Variants in PLD1 observed in about 807,000 individuals in gnomAD.
PLD1 encodes the protein choline phosphatase 1.
A neutral mutation model predicts 137.1 loss-of-function variants in PLD1; 112 were observed. The observed-to-expected ratio is 0.82, with a 90% CI of 0.70 to 0.96. The LOEUF is 0.96. Among genes scored for constraint, PLD1 ranks in the 40% least tolerant of loss-of-function variants. PLD1 has a pLI of 0.00. For missense variants in PLD1, 1,321 were observed against 1,342.0 expected (o/e 0.98, Z 0.24); for synonymous variants, 431 against 454.7 (o/e 0.95, Z 0.66).
intron 6 of PLD1, among the ~76,000 whole-genome samples, chr3:171,729,421 C>A (rs555513965): frequency 2.6e-4 from 40 of 152,198 alleles, no homozygotes; most frequent in Non-Finnish European, 5.3e-4. Context: ...CTAGGGGTAA[C>A]AAAAAATCCT....
intron 11 of PLD1, among the ~76,000 whole-genome samples, chr3:171,704,767 T>C (rs1578318982): frequency 1.3e-5 from 2 of 152,254 alleles, no homozygotes; most frequent in Admixed American, 6.5e-5. Flanking sequence ...ATGGAGATCA[T>C]AGAGCAGCAG....
intron 12 of PLD1, among the ~76,000 whole-genome samples, chr3:171,697,389 C>T (rs1298739703): frequency 2.0e-5 from 3 of 151,850 alleles, no homozygotes; most frequent in Non-Finnish European, 4.4e-5. Flanking sequence ...GGACTATAGG[C>T]GCCCGCCACC....
At chr3:171,637,985 CCTGA>C (rs1424479039) in intron 23 of PLD1, among the ~76,000 whole-genome samples, 4 of 151,882 alleles carry the variant, frequency 2.6e-5, no homozygotes, top group African/African-American at 9.7e-5. Context: ...TAGAGACCAT[CCTGA>C]CTAACACAGT....
Position 171,602,615 on chromosome 3 carries a change from TACA to T in PLD1, c.*460_*462del, listed in dbSNP as rs1731907191. On this transcript the variant is annotated 3_prime_UTR_variant, in exon 27 of 27. Coordinates refer to ENST00000351298, the MANE Select transcript of PLD1 (RefSeq NM_002662.5). ...ACCATGAAGAATCTTGAAGCAGCATTACAACATCTAATAATAAACAATCTCTCA... is the reference window on the plus strand; with the variant it reads ...ACCATGAAGAATCTTGAAGCAGCATTACATCTAATAATAAACAATCTCTCA... 5.8e-6 allele frequency: 1 copy of T among 172,066 alleles called. No homozygotes were observed. The highest frequency in any genetic ancestry group is 5.5e-5 in the Admixed American group (1 of 18,340). The allele number at this position is 172,066 out of a possible 1,614,324, so 10.7% of individuals were successfully genotyped here.
In PLD1 at chr3:171,803,989, C is replaced by CTCCT. The variant is rs531982664; in HGVS notation, c.-32+6406_-32+6409dup. Among the ~76,000 whole-genome samples the CTCCT allele has an allele frequency of 1.1e-3, 165 of 152,282 alleles. 1 individual carries two copies. Among genetic ancestry groups the CTCCT allele is most frequent in the Non-Finnish European group, 5.6e-4 (38 of 68,016 alleles). Reference sequence around the variant, plus strand: ...ATATACTTCATCCCCAAATTCTGTACTCCTACCTTACCTCTTACCTCTTTT... The same window carrying CTCCT: ...ATATACTTCATCCCCAAATTCTGTACTCCTTCCTACCTTACCTCTTACCTCTTTT... On this transcript the variant is annotated intron_variant, in intron 1 of 26. Transcript: ENST00000351298.
chr3:171,794,507 T>C (rs898967249), intron 1 of PLD1, among the ~76,000 whole-genome samples: 2 of 152,190 alleles, frequency 1.3e-5, no homozygotes, highest in Non-Finnish European at 2.9e-5. Context: ...AACTTGATAC[T>C]GGCCATGATG....
chr3:171,686,568 A>G, intron 16 of PLD1, 117 bp downstream of exon 16: 3 of 660,042 alleles, frequency 4.5e-6, no homozygotes, highest in South Asian at 1.9e-5. Context: ...TAATATACGT[A>G]GCATAAAAAT....
chr3:171,734,833 G>A, intron 5 of PLD1, 32 bp downstream of exon 5: 4 of 1,394,232 alleles, frequency 2.9e-6, no homozygotes, highest in South Asian at 1.2e-5. Flanking sequence ...GCAAAATTAG[G>A]TTTAAAACCA....
At chr3:171,621,027 T>A (rs1034295491) in intron 23 of PLD1, among the ~76,000 whole-genome samples, 3 of 151,968 alleles carry the variant, frequency 2.0e-5, no homozygotes, top group African/African-American at 7.2e-5. Flanking sequence ...ATTTGTAGCA[T>A]ATTCAGCGTG....
chr3:171,806,110 A>G (rs752382408), intron 1 of PLD1, among the ~76,000 whole-genome samples: 1 of 152,268 alleles, frequency 6.6e-6, no homozygotes, highest in South Asian at 2.1e-4. Context: ...AAATGTATTC[A>G]TGTTTGTAAA....
At chr3:171,724,590 C>A in intron 8 of PLD1, 106 bp downstream of exon 8, 2 of 668,892 alleles carry the variant, frequency 3.0e-6, no homozygotes, top group Admixed American at 2.5e-5. Context: ...AAAATTTGTT[C>A]TGCCATTGCT....
At chr3:171,712,400 G>C (rs1463451584) in intron 9 of PLD1, among the ~76,000 whole-genome samples, 2 of 152,186 alleles carry the variant, frequency 1.3e-5, no homozygotes, top group African/African-American at 4.8e-5. Context: ...ACAGTTATGA[G>C]AAGACTTTAC....
At chr3:171,674,642 C>A in intron 18 of PLD1, 29 bp from the exon 19 acceptor site, 1 of 1,231,834 alleles carries the variant, frequency 8.1e-7, no homozygotes. Flanking sequence ...ATAAAATATT[C>A]AAATGAGAAA....
At chr3:171,606,376 A>T (rs1005970643) in intron 25 of PLD1, among the ~76,000 whole-genome samples, 5 of 152,206 alleles carry the variant, frequency 3.3e-5, no homozygotes, top group Admixed American at 6.5e-5. Flanking sequence ...CAGTAGATAA[A>T]TGGAACTGGG....
intron 6 of PLD1, among the ~76,000 whole-genome samples, chr3:171,728,618 C>A (rs1461423701): frequency 6.6e-6 from 1 of 152,078 alleles, no homozygotes; most frequent in East Asian, 1.9e-4. Context: ...CCCAGAACAA[C>A]CGAAGGGAAG....
intron 1 of PLD1, among the ~76,000 whole-genome samples, chr3:171,756,776 T>A (rs1427923217): frequency 6.6e-6 from 1 of 152,116 alleles, no homozygotes; most frequent in African/African-American, 2.4e-5. Context: ...ATTAAAGAAA[T>A]GTTAATACAG....
intron 12 of PLD1, among the ~76,000 whole-genome samples, chr3:171,697,222 T>A (rs1053830942): frequency 6.8e-6 from 1 of 147,854 alleles, no homozygotes; most frequent in Non-Finnish European, 1.5e-5. Context: ...ACTATCAGAG[T>A]CACCTTCCGG....
intron 1 of PLD1, chr3:171,788,966 G>A (rs1365012327): frequency 1.3e-5 from 2 of 152,174 alleles, no homozygotes; most frequent in Non-Finnish European, 2.9e-5. Flanking sequence ...CACTCTGCTA[G>A]GCACTGAGAA....
Position 171,612,455 on chromosome 3 carries a change from T to A in PLD1, c.2729-23A>T, listed in dbSNP as rs765752941. The A allele has an allele frequency of 4.3e-6, 7 of 1,610,898 alleles. No homozygotes were observed. In the Admixed American group the frequency reaches 1.2e-4, roughly 27 times the overall value. On this transcript the variant is annotated intron_variant, in intron 24 of 26. Coordinates refer to ENST00000351298, the MANE Select transcript of PLD1 (RefSeq NM_002662.5). The surrounding 1 kb of genome is among the most constrained non-coding windows in gnomAD (Gnocchi z 4.1). ...AGCCTGTAAGGAGAAACAGTGAGGC[T>A]GAACAACCTTCCTGTTGTGGCAGAC...
Sources: allele counts gnomAD v4.1 joint callset (sites outside exome capture counted in the v4.1 genomes callset), GRCh38; gene constraint gnomAD v4.1.1; non-coding constraint Gnocchi (gnomAD v3.1); transcripts MANE v1.5; gene names NCBI Gene and HGNC (gene_info 2026-07-23, HGNC 2026-07-21).